Variants in SEMA3F observed in about 807,000 individuals in gnomAD.
SEMA3F encodes the protein semaphorin 3F, also known as semaphorin-3F.
In SEMA3F, 30 loss-of-function variants were observed where a neutral mutation model predicts 98.5. The observed-to-expected ratio is 0.30, with a 90% CI of 0.23 to 0.41. The LOEUF (loss-of-function observed/expected upper bound fraction) is 0.41, where lower values mean the gene tolerates loss of function less well. Ranked by LOEUF, SEMA3F falls within the 10% of genes least tolerant of loss-of-function variation. The pLI is 1.00. For synonymous variants in SEMA3F, 380 were observed against 444.8 expected, an observed-to-expected ratio of 0.85 and a Z score of 1.83; for missense variants, 866 against 1,119.3, an observed-to-expected ratio of 0.77 and a Z score of 3.23.
intron 16 of SEMA3F, 44 bp downstream of exon 16, chr3:50,186,090 G>A (rs766253142): frequency 7.0e-6 from 11 of 1,572,614 alleles, no homozygotes; most frequent in Middle Eastern, 1.7e-4. Flanking sequence ...CCAGTCCCAG[G>A]GCCCTATCCT....
At chr3:50,163,647 G>T (rs2109063484) in intron 2 of SEMA3F, among the ~76,000 whole-genome samples, 1 of 152,380 alleles carries the variant, frequency 6.6e-6, no homozygotes, top group East Asian at 1.9e-4. Context: ...TAGGGGTGGG[G>T]CTGGAGAGCT....
In SEMA3F at chr3:50,183,442, G is replaced by A. The variant is rs771028336; in HGVS notation, c.1111G>A (p.Val371Met). Residue 371 changes from valine to methionine, a missense_variant, in exon 12 of 19, where the codon GTG becomes ATG. Physicochemically the swap from Val to Met is conservative, Grantham distance 21. Transcript: ENST00000002829. ...CAGCTCCGTGTTCCGAGGCTCTGCC[G>A]TGTGTGTCTACTCCATGGCTGATAT... Reference protein sequence around the residue: ...SSGSVFRGSAVCVYSMADIRM... With the variant: ...SSGSVFRGSAMCVYSMADIRM... The A allele has an allele frequency of 4.3e-6, 7 of 1,613,972 alleles. No homozygotes were observed. Among genetic ancestry groups the A allele is most frequent in the South Asian group, 1.1e-5 (1 of 91,090 alleles).
Position 50,175,189 on chromosome 3 carries a change from G to A in SEMA3F, c.549+1G>A. The A allele has an allele frequency of 6.3e-7, 1 of 1,585,722 alleles. No individual in the cohort carries two copies. ...CCCGATGCCCACAGCCCCACGCCAGGTGGGCCTCATCCCTCCAGGCCTTTG... is the reference window on the plus strand; with the variant it reads ...CCCGATGCCCACAGCCCCACGCCAGATGGGCCTCATCCCTCCAGGCCTTTG... On this transcript the variant is annotated splice_donor_variant, in intron 6 of 18. Coordinates refer to ENST00000002829, the MANE Select transcript of SEMA3F (RefSeq NM_004186.5). LOFTEE classifies it high-confidence loss of function.
intron 7 of SEMA3F, among the ~76,000 whole-genome samples, chr3:50,180,466 T>G (rs11714799): frequency 0.46 from 69,675 of 152,050 alleles, 17,359 homozygotes; most frequent in South Asian, 0.73. Context: ...CATTTCTAGC[T>G]TTTGACTTAA....
rs372829300 is a variant in SEMA3F at position 50,159,632 on chromosome 3, G to A, written c.10G>A (p.Ala4Thr). 59 of 1,608,190 alleles carry A rather than the reference G, an allele frequency of 3.7e-5. No individual in the cohort carries two copies. The highest frequency in any genetic ancestry group is 1.7e-4 in the Middle Eastern group (1 of 6,048). Residue 4 changes from alanine to threonine, a missense_variant, in exon 2 of 19, where the codon GCC becomes ACC. Around this residue, in one of 3 missense-constraint regions of SEMA3F, gnomAD observed 247 missense variants for 276.0 expected, o/e 0.89. Coordinates refer to ENST00000002829, the MANE Select transcript of SEMA3F (RefSeq NM_004186.5). The part of the protein sequence containing the change: MLV[A>T]GLLLWASLLT... ...CTAGGCCCCTCCCACAATGCTTGTC[G>A]CCGGTCTTCTTCTCTGGGCTTCCCT...
rs868293684 is a variant in SEMA3F at position 50,158,323 on chromosome 3, C to T, written c.-48-1252C>T. Among the ~76,000 whole-genome samples, 19 of 152,306 alleles carry T rather than the reference C, an allele frequency of 1.2e-4. No individual in the cohort carries two copies. The highest frequency in any genetic ancestry group is 4.1e-4 in the South Asian group (2 of 4,820). ...GAGAGAACATTCACACAGAGGGTAC[C>T]GCGTAAGGAGTGGGCCAAGAGGCTG... is the stretch of plus-strand genomic sequence containing the variant. On this transcript the variant is annotated intron_variant, in intron 1 of 18. Transcript: ENST00000002829. The surrounding 1 kb of genome is among the most constrained non-coding windows in gnomAD (Gnocchi z 4.8).
At chr3:50,187,372 G>A (rs947531812) in intron 18 of SEMA3F, among the ~76,000 whole-genome samples, 8 of 142,302 alleles carry the variant, frequency 5.6e-5, no homozygotes, top group South Asian at 2.2e-4. Flanking sequence ...GCAGTAAACC[G>A]AGATCATTCA....
In SEMA3F at chr3:50,185,886, C is replaced by A. The variant is rs374308618; in HGVS notation, c.1588-3C>A. The stretch of plus-strand genomic sequence containing the variant: ...ACTGACAAGGCCCTACCCTTTGCCC[C>A]AGCAACAACTCTACGTGGCGTCAGC... On this transcript the variant is annotated splice_region_variant and splice_polypyrimidine_tract_variant and intron_variant, in intron 15 of 18. Coordinates refer to ENST00000002829, the MANE Select transcript of SEMA3F (RefSeq NM_004186.5). The A allele has an allele frequency of 7.5e-6, 12 of 1,609,984 alleles. No homozygotes were observed. Among genetic ancestry groups the A allele is most frequent in the Non-Finnish European group, 1.0e-5 (12 of 1,177,076 alleles).
chr3:50,175,364 C>T (rs1340329686), intron 6 of SEMA3F, among the ~76,000 whole-genome samples, 176 bp downstream of exon 6: 1 of 152,236 alleles, frequency 6.6e-6, no homozygotes, highest in African/African-American at 2.4e-5. Context: ...CCCAGCTGGA[C>T]TCATGTCAGC....
Position 50,171,702 on chromosome 3 carries a change from G to A in SEMA3F, c.113-2091G>A, listed in dbSNP as rs372092763. The stretch of plus-strand genomic sequence containing the variant: ...ATGTTTACTTTCCTGTTGTCACTGT[G>A]GGTGAGCAGCCAGGCGGGTGAGCGG... On this transcript the variant is annotated intron_variant, in intron 2 of 18. Transcript: ENST00000002829. 1.2e-3 allele frequency among the ~76,000 whole-genome samples: 185 copies of A among 152,292 alleles called. 9 individuals carry two copies. In the South Asian group the frequency reaches 0.037, roughly 31 times the overall value.
chr3:50,155,242 C>T (rs923040505), upstream of SEMA3F: 5 of 334,912 alleles, frequency 1.5e-5, no homozygotes, highest in Non-Finnish European at 2.2e-5. The surrounding 1 kb of genome is among the most constrained non-coding windows in gnomAD (Gnocchi z 4.9). Flanking sequence ...TGCGCGCCAC[C>T]GCCCGCGCCC....
In SEMA3F at chr3:50,186,665, C is replaced by T. The variant is rs1699230433; in HGVS notation, c.1866C>T (p.Ala622=). 6 of 1,609,716 alleles carry T rather than the reference C, an allele frequency of 3.7e-6. No individual in the cohort carries two copies. Among genetic ancestry groups the T allele is most frequent in the Non-Finnish European group, 4.3e-6 (5 of 1,176,400 alleles). Residue 622 remains alanine (A), a synonymous_variant, in exon 18 of 19, where the codon GCC becomes GCT. Transcript: ENST00000002829. The stretch of plus-strand genomic sequence containing the variant: ...AGTATGGCGTGGCCGGCAGCGCAGC[C>T]TTCCTTGAGTGCCAGCCCCGCTCGC... ...SVQYGVAGSA[A]FLECQPRSPQ...
rs757048607 is a variant in SEMA3F, at chr3:50,173,908, C to T, written c.228C>T (p.Tyr76=). Residue 76 remains tyrosine, a synonymous_variant, in exon 3 of 19, where the codon TAC becomes TAT. Coordinates refer to ENST00000002829, the MANE Select transcript of SEMA3F (RefSeq NM_004186.5). ...HDRMYVGSKD[Y]VLSLDLHDIN... ...GCATGTACGTGGGCAGCAAGGACTACGTGCTGTCCCTGGACCTGCACGACA... is the reference window on the plus strand; with the variant it reads ...GCATGTACGTGGGCAGCAAGGACTATGTGCTGTCCCTGGACCTGCACGACA... 38 of 1,614,046 alleles carry T rather than the reference C, an allele frequency of 2.4e-5. No individual in the cohort carries two copies. The South Asian group carries it at 2.5e-4, about 11-fold the overall frequency.
At chr3:50,180,397 T>C (rs1041139052) in intron 7 of SEMA3F, among the ~76,000 whole-genome samples, 4 of 152,028 alleles carry the variant, frequency 2.6e-5, no homozygotes, top group Non-Finnish European at 5.9e-5. Context: ...CCTCAAGTGA[T>C]CCCCTGCCTC....
rs768580899 is a variant in SEMA3F at position 50,166,731 on chromosome 3, G to C, written c.112+6997G>C. Among the ~76,000 whole-genome samples the C allele has an allele frequency of 1.3e-5, 2 of 152,224 alleles. No homozygotes were observed. Among genetic ancestry groups the C allele is most frequent in the Non-Finnish European group, 2.9e-5 (2 of 68,042 alleles). Reference sequence around the variant, plus strand: ...AGAGATGGGGGCTGGGCCCAGGGGAGGGGGAGGGTTTTGACACCCACCAGC... The same window carrying C: ...AGAGATGGGGGCTGGGCCCAGGGGACGGGGAGGGTTTTGACACCCACCAGC... On this transcript the variant is annotated intron_variant, in intron 2 of 18. Transcript: ENST00000002829. The surrounding 1 kb of genome is among the most constrained non-coding windows in gnomAD (Gnocchi z 4.7).
chr3:50,174,140 G>C, intron 4 of SEMA3F, 26 bp downstream of exon 4: 6 of 1,614,056 alleles, frequency 3.7e-6, no homozygotes, highest in Non-Finnish European at 5.1e-6. Context: ...TCCACAGGTG[G>C]GAAGGGGGAA....
In SEMA3F at chr3:50,166,562, C is replaced by G. The variant is rs59548778; in HGVS notation, c.112+6828C>G. Among the ~76,000 whole-genome samples, 3 of 152,198 alleles carry G rather than the reference C, an allele frequency of 2.0e-5. No individual in the cohort carries two copies. The highest frequency in any genetic ancestry group is 2.0e-4 in the Admixed American group (3 of 15,284). Reference sequence around the variant, plus strand: ...CTCACTGCATCCTCCAAGGCTGACCCCAAGCATGCACCTGTCTGCCCTGTG... The same window carrying G: ...CTCACTGCATCCTCCAAGGCTGACCGCAAGCATGCACCTGTCTGCCCTGTG... On this transcript the variant is annotated intron_variant, in intron 2 of 18. Transcript: ENST00000002829. This position sits in a 1 kb window ranked among gnomAD's most constrained non-coding sequence, Gnocchi z 4.7.
At chr3:50,171,606 C>T (rs1698606718) in intron 2 of SEMA3F, among the ~76,000 whole-genome samples, 1 of 152,132 alleles carries the variant, frequency 6.6e-6, no homozygotes, top group Admixed American at 6.5e-5. Flanking sequence ...GGCGGGCTGT[C>T]CCAGCCTGGG....
intron 7 of SEMA3F, among the ~76,000 whole-genome samples, chr3:50,181,648 G>A (rs1396325577): frequency 6.9e-6 from 1 of 144,518 alleles, no homozygotes; most frequent in Non-Finnish European, 1.5e-5. Context: ...TTAAGATGGA[G>A]CCTTGCTCTG....
Sources: gnomAD v4.1 joint callset for allele counts (sites outside exome capture counted in the v4.1 genomes callset) on GRCh38, gnomAD v4.1.1 for gene constraint, gnomAD v4.1.1 regional missense constraint, Gnocchi (gnomAD v3.1) non-coding constraint, MANE v1.5 for transcripts, NCBI Gene and HGNC (gene_info 2026-07-23, HGNC 2026-07-21) for gene names.